MAGI1: variants seen among roughly 807,000 people sequenced by gnomAD.
MAGI1 encodes the protein membrane-associated guanylate kinase, WW and PDZ domain-containing protein 1.
In MAGI1, 58 loss-of-function variants were observed where a neutral mutation model predicts 139.9. The observed-to-expected ratio is 0.41, with a 90% confidence interval of 0.34 to 0.52. The LOEUF (loss-of-function observed/expected upper bound fraction) is 0.52. Among genes scored for constraint, MAGI1 ranks in the 20% least tolerant of loss-of-function variants. The pLI is 0.12. For synonymous variants in MAGI1, 812 were observed against 737.9 expected (o/e 1.10, Z -1.63); for missense variants, 1,874 against 1,901.6 (o/e 0.99, Z 0.27).
At chr3:65,767,843 A>G (rs2037615565) in intron 1 of MAGI1, among the ~76,000 whole-genome samples, 1 of 152,238 alleles carries the variant, frequency 6.6e-6, no homozygotes, top group African/African-American at 2.4e-5. Context: ...TAACCCTTAC[A>G]GGAAAAGCAA....
At chr3:65,474,900 T>G (rs1023416317) in intron 4 of MAGI1, among the ~76,000 whole-genome samples, 3 of 152,264 alleles carry the variant, frequency 2.0e-5, no homozygotes, top group Non-Finnish European at 1.5e-5. Context: ...CTCACCAGTT[T>G]TGCGATACTG....
intron 2 of MAGI1, among the ~76,000 whole-genome samples, chr3:65,545,303 AAGAG>A (rs919308912): frequency 1.3e-5 from 2 of 150,960 alleles, no homozygotes; most frequent in Non-Finnish European, 3.0e-5. Flanking sequence ...GGTTCAGCCA[AAGAG>A]AGAGAGAGAG....
chr3:65,528,288 TTATC>T (rs1325367128), intron 2 of MAGI1, among the ~76,000 whole-genome samples: 1 of 152,234 alleles, frequency 6.6e-6, no homozygotes, highest in African/African-American at 2.4e-5. Context: ...ATTGCAAAAT[TTATC>T]TAAGCGTTTC....
intron 1 of MAGI1, among the ~76,000 whole-genome samples, chr3:65,849,008 T>TC (rs2059109434): frequency 1.5e-5 from 1 of 67,058 alleles, no homozygotes; most frequent in African/African-American, 1.0e-4. Flanking sequence ...ATTCTTTTTT[T>TC]TTTTTTTTTT....
At chr3:65,773,107 A>G (rs781191927) in intron 1 of MAGI1, among the ~76,000 whole-genome samples, 19 of 152,214 alleles carry the variant, frequency 1.2e-4, no homozygotes, top group Non-Finnish European at 2.9e-5. Flanking sequence ...ATGAAATCAT[A>G]TATGTAAAGT....
At chr3:65,458,216 T>G (rs1422076804) in intron 5 of MAGI1, among the ~76,000 whole-genome samples, 2 of 152,182 alleles carry the variant, frequency 1.3e-5, no homozygotes, top group Non-Finnish European at 2.9e-5. Flanking sequence ...AACATTCAGG[T>G]TGTTTCCAAA....
At chr3:65,724,775 G>T (rs2033420598) in intron 1 of MAGI1, among the ~76,000 whole-genome samples, 1 of 152,098 alleles carries the variant, frequency 6.6e-6, no homozygotes, top group African/African-American at 2.4e-5. Flanking sequence ...TCTTCACATG[G>T]TGGCAGAAGA....
intron 17 of MAGI1, among the ~76,000 whole-genome samples, chr3:65,378,170 A>G (rs1364705853): frequency 6.6e-6 from 1 of 152,152 alleles, no homozygotes; most frequent in African/African-American, 2.4e-5. Flanking sequence ...ATCCATTGCA[A>G]TGGGAAGCAG....
At chr3:65,623,407 T>C (rs1559730380) in intron 1 of MAGI1, among the ~76,000 whole-genome samples, 1 of 152,106 alleles carries the variant, frequency 6.6e-6, no homozygotes. Context: ...TTTGAAAAAA[T>C]CATAATCACA....
At chr3:65,752,952 T>C (rs1434985983) in intron 1 of MAGI1, among the ~76,000 whole-genome samples, 2 of 152,198 alleles carry the variant, frequency 1.3e-5, no homozygotes, top group Non-Finnish European at 2.9e-5. Flanking sequence ...CCACTTGTCC[T>C]GGCTGTATTC....
At chr3:65,800,634 A>T (rs762368572) in intron 1 of MAGI1, among the ~76,000 whole-genome samples, 5 of 116,284 alleles carry the variant, frequency 4.3e-5, no homozygotes, top group Admixed American at 1.7e-4. Flanking sequence ...TTTTTTAATT[A>T]GATTAAAAAA....
At chr3:65,982,836 G>A (rs2065659202) in intron 1 of MAGI1, among the ~76,000 whole-genome samples, 1 of 152,084 alleles carries the variant, frequency 6.6e-6, no homozygotes, top group African/African-American at 2.4e-5. Context: ...CTCATGAGAG[G>A]TCCTGAGAGC....
intron 1 of MAGI1, among the ~76,000 whole-genome samples, chr3:65,750,896 A>G (rs925734215): frequency 7.2e-5 from 11 of 152,218 alleles, no homozygotes; most frequent in African/African-American, 2.7e-4. Flanking sequence ...AAAGAATATT[A>G]CAGTGCTAGG....
intron 3 of MAGI1, among the ~76,000 whole-genome samples, chr3:65,483,511 G>A (rs899812283): frequency 1.3e-5 from 2 of 152,162 alleles, no homozygotes; most frequent in African/African-American, 4.8e-5. Flanking sequence ...CAGTATGCGC[G>A]ACTTAACAGT....
intron 1 of MAGI1, among the ~76,000 whole-genome samples, chr3:65,800,366 C>T (rs1386284117): frequency 1.3e-5 from 2 of 152,162 alleles, no homozygotes; most frequent in Admixed American, 1.3e-4. Context: ...ATCCTTCCCT[C>T]CCCTTGGAGT....
chr3:65,541,365 C>T (rs2079213185), intron 2 of MAGI1, among the ~76,000 whole-genome samples: 1 of 152,194 alleles, frequency 6.6e-6, no homozygotes, highest in African/African-American at 2.4e-5. Context: ...GATACCATTG[C>T]TTCTGAAACG....
At chr3:65,595,530 G>T (rs1045500260) in intron 2 of MAGI1, among the ~76,000 whole-genome samples, 1 of 152,288 alleles carries the variant, frequency 6.6e-6, no homozygotes, top group African/African-American at 2.4e-5. Flanking sequence ...AGTCTCCCCT[G>T]GGGGTGGTTT....
At chr3:65,641,794 C>A (rs1310990954) in intron 1 of MAGI1, among the ~76,000 whole-genome samples, 1 of 152,188 alleles carries the variant, frequency 6.6e-6, no homozygotes, top group Non-Finnish European at 1.5e-5. Flanking sequence ...CTAAAAGAAT[C>A]AGGAGACTCC....
intron 2 of MAGI1, among the ~76,000 whole-genome samples, chr3:65,513,736 G>A (rs2077719616): frequency 1.1e-4 from 2 of 18,256 alleles, no homozygotes; most frequent in African/African-American, 2.7e-4. Flanking sequence ...TACTGCCCAA[G>A]GTAATTTACA....
Sources: gnomAD v4.1 joint callset for allele counts (sites outside exome capture counted in the v4.1 genomes callset) on GRCh38, gnomAD v4.1.1 for gene constraint, MANE v1.5 for transcripts, NCBI Gene and HGNC (gene_info 2026-07-23, HGNC 2026-07-21) for gene names.